UBE2F: variants seen among roughly 807,000 people sequenced by gnomAD.
UBE2F encodes the protein NEDD8-conjugating enzyme UBE2F.
Under a neutral mutation model 29.6 loss-of-function variants are expected in UBE2F, and 5 were observed. That is an observed-to-expected ratio of 0.17 (90% CI 0.09 to 0.36). UBE2F has a LOEUF of 0.36. Ranked by LOEUF, UBE2F falls within the 10% of genes least tolerant of loss-of-function variation. The pLI is 1.00. For missense variants in UBE2F, 141 were observed against 228.5 expected (o/e 0.62, Z 2.47); for synonymous variants, 66 against 81.8 (o/e 0.81, Z 1.04).
chr2:238,025,426 C>A lies in UBE2F; in HGVS notation c.353+14C>A. ...AATATGTCTGAGGTGAGTTTATTGT[C>A]TTTTCTTTCTTCTACATTCGTGAGT... On this transcript the variant is annotated intron_variant, in intron 6 of 9. Transcript: ENST00000272930. 6.2e-7 allele frequency: 1 copy of A among 1,608,378 alleles called. No individual in the cohort carries two copies. The highest frequency in any genetic ancestry group is 8.5e-7 in the Non-Finnish European group (1 of 1,175,598).
Position 238,021,291 on chromosome 2 carries a change from G to A in UBE2F, c.283-4051G>A, listed in dbSNP as rs534860657. The stretch of plus-strand genomic sequence containing the variant: ...GAGAGCCAGAGACACTTGTTGAACA[G>A]CAGTGATGACGACCACAAGTGACAC... On this transcript the variant is annotated intron_variant, in intron 5 of 9. Coordinates refer to ENST00000272930, the MANE Select transcript of UBE2F (RefSeq NM_080678.3). Among the ~76,000 whole-genome samples the A allele has an allele frequency of 4.6e-5, 7 of 152,328 alleles. No homozygotes were observed. The South Asian group carries it at 1.5e-3, about 32-fold the overall frequency.
chr2:238,039,091 C>T (rs1479500420), intron 9 of UBE2F, among the ~76,000 whole-genome samples: 2 of 152,108 alleles, frequency 1.3e-5, no homozygotes, highest in African/African-American at 2.4e-5. Flanking sequence ...AAAAATTAGC[C>T]GGGCATGGTG....
chr2:238,007,491 A>G (rs1021415679), intron 4 of UBE2F, among the ~76,000 whole-genome samples: 17 of 150,426 alleles, frequency 1.1e-4, no homozygotes, highest in African/African-American at 3.9e-4. Flanking sequence ...GTTTGCATAT[A>G]TACATATATA....
At chr2:237,974,515 G>GTT (rs1183199556) in intron 2 of UBE2F, among the ~76,000 whole-genome samples, 5 of 23,072 alleles carry the variant, frequency 2.2e-4, no homozygotes, top group South Asian at 1.3e-3. Flanking sequence ...TTTTTTTTTT[G>GTT]TTTTTTTTTT....
rs79317879 is a variant in UBE2F at position 237,999,739 on chromosome 2, C to A, written c.214+4930C>A. On this transcript the variant is annotated intron_variant, in intron 4 of 9. Transcript: ENST00000272930. ...ATTGGTCTGTGTTTACCCTTAGGCC[C>A]GTACCACACTGTTTTAATTGTCGTA... Among the ~76,000 whole-genome samples the A allele has an allele frequency of 6.5e-3, 984 of 151,892 alleles. 21 individuals carry two copies. In the East Asian group the frequency reaches 0.077, roughly 12 times the overall value.
intron 4 of UBE2F, among the ~76,000 whole-genome samples, chr2:237,999,023 C>T (rs2063741145): frequency 6.6e-6 from 1 of 152,036 alleles, no homozygotes; most frequent in South Asian, 2.1e-4. Flanking sequence ...CATTCTGTGA[C>T]TTTTCTGCTC....
intron 2 of UBE2F, 64 bp downstream of exon 2, chr2:237,973,289 C>A: frequency 6.4e-7 from 1 of 1,566,868 alleles, no homozygotes; most frequent in South Asian, 1.1e-5. Context: ...ACTGGAGAGT[C>A]TTTGGGGATA....
chr2:238,034,112 CT>C (rs1324359799), intron 8 of UBE2F, among the ~76,000 whole-genome samples: 7 of 151,842 alleles, frequency 4.6e-5, no homozygotes, highest in African/African-American at 1.7e-4. Flanking sequence ...GAAAGAAACA[CT>C]GGCTCCTTGG....
At position 238,041,568 on chromosome 2, in the gene UBE2F, C is replaced by T; in HGVS notation, c.*230C>T. 1 of 502,856 alleles carries T rather than the reference C, an allele frequency of 2.0e-6. No individual in the cohort carries two copies. Among genetic ancestry groups the T allele is most frequent in the African/African-American group, 1.9e-5 (1 of 51,826 alleles). The allele number at this position is 502,856 out of a possible 1,614,324, so 31.1% of individuals were successfully genotyped here. ...TGTGTTTGGGCTTCTGAAGAGTTGTCTGCTTACCTTAACATGTTTACTTTT... is the reference window on the plus strand; with the variant it reads ...TGTGTTTGGGCTTCTGAAGAGTTGTTTGCTTACCTTAACATGTTTACTTTT... On this transcript the variant is annotated 3_prime_UTR_variant, in exon 10 of 10. Transcript: ENST00000272930.
intron 4 of UBE2F, among the ~76,000 whole-genome samples, chr2:238,013,384 G>A (rs1042695007): frequency 6.6e-6 from 1 of 152,208 alleles, no homozygotes; most frequent in Non-Finnish European, 1.5e-5. Context: ...TTAATGTGTC[G>A]CTTTGAGGTG....
intron 2 of UBE2F, among the ~76,000 whole-genome samples, chr2:237,986,799 C>T (rs1321667271): frequency 6.6e-6 from 1 of 152,092 alleles, no homozygotes; most frequent in African/African-American, 2.4e-5. Flanking sequence ...TTCTTGGTAC[C>T]TGTGTCATAA....
chr2:238,003,433 A>G lies in UBE2F; in HGVS notation c.214+8624A>G, dbSNP rs1232086573. The G allele has an allele frequency of 8.5e-6, 4 of 470,588 alleles. No homozygotes were observed. In the East Asian group the frequency reaches 2.8e-4, roughly 33 times the overall value. 29.2% of individuals were successfully genotyped at this position (470,588 alleles called of 1,614,324 possible). A position where few individuals can be genotyped will look rare whatever the true frequency, so the allele number is the denominator to read the frequency against. On this transcript the variant is annotated intron_variant, in intron 4 of 9. Coordinates refer to ENST00000272930, the MANE Select transcript of UBE2F (RefSeq NM_080678.3). ...TGAGTAGGCCACCCCATCATCTGAT[A>G]CAGAGACACCTGATCTGTTCTCACA...
chr2:237,989,631 G>A (rs111310007), intron 3 of UBE2F, among the ~76,000 whole-genome samples: 1,556 of 152,166 alleles, frequency 0.01, 15 homozygotes, highest in Non-Finnish European at 0.017. Flanking sequence ...GGGATTACAG[G>A]CGTGAGCCAC....
chr2:238,005,491 C>T (rs905765821), intron 4 of UBE2F, among the ~76,000 whole-genome samples: 19 of 152,046 alleles, frequency 1.2e-4, no homozygotes, highest in Non-Finnish European at 1.5e-4. Context: ...CCACCATGCC[C>T]GGCCTTATTT....
intron 3 of UBE2F, among the ~76,000 whole-genome samples, chr2:237,991,956 C>A (rs2063600248): frequency 1.3e-5 from 2 of 152,064 alleles, no homozygotes; most frequent in South Asian, 4.1e-4. Flanking sequence ...ACCTCTGCCC[C>A]CGGGTTCAAG....
chr2:238,039,067 T>A (rs1018110761), intron 9 of UBE2F, among the ~76,000 whole-genome samples: 5 of 152,090 alleles, frequency 3.3e-5, no homozygotes, highest in African/African-American at 1.2e-4. Context: ...AAACCCCATC[T>A]CTAGTAAAAA....
intron 2 of UBE2F, among the ~76,000 whole-genome samples, chr2:237,978,837 C>T (rs2063331455): frequency 6.6e-6 from 1 of 152,190 alleles, no homozygotes; most frequent in South Asian, 2.1e-4. Context: ...TTGGCATTCC[C>T]TGTGAACCTC....
intron 3 of UBE2F, among the ~76,000 whole-genome samples, chr2:237,994,044 G>C (rs954632260): frequency 1.3e-4 from 19 of 151,664 alleles, no homozygotes; most frequent in Non-Finnish European, 1.5e-5. Flanking sequence ...AAAGACAAAA[G>C]ATTATGGTAA....
At chr2:238,011,830 T>C (rs973733260) in intron 4 of UBE2F, among the ~76,000 whole-genome samples, 3 of 152,230 alleles carry the variant, frequency 2.0e-5, no homozygotes, top group Non-Finnish European at 4.4e-5. Flanking sequence ...TTGTTATGGC[T>C]GTGCCATTTT....
Sources: allele counts gnomAD v4.1 joint callset (sites outside exome capture counted in the v4.1 genomes callset), GRCh38; gene constraint gnomAD v4.1.1; transcripts MANE v1.5; gene names NCBI Gene and HGNC (gene_info 2026-07-23, HGNC 2026-07-21).